The following SPATA17 variants were observed in gnomAD, a reference collection of about 807,000 sequenced individuals.
The protein encoded by SPATA17 is spermatogenesis-associated protein 17.
A neutral mutation model predicts 62.2 loss-of-function variants in SPATA17; 53 were observed. The observed-to-expected ratio is 0.85, with a 90% CI of 0.68 to 1.07. The LOEUF (loss-of-function observed/expected upper bound fraction) is 1.07. Among genes scored for constraint, SPATA17 ranks in the 50% least tolerant of loss-of-function variants. The probability of loss-of-function intolerance (pLI) is 0.00; values close to 1 mark genes in which losing one functional copy is unlikely to be tolerated. For missense variants in SPATA17, 466 were observed against 425.5 expected (o/e 1.10, Z -0.84); for synonymous variants, 146 against 146.8 (o/e 0.99, Z 0.04).
intron 6 of SPATA17, among the ~76,000 whole-genome samples, chr1:217,770,796 T>G (rs1015408016): frequency 6.6e-6 from 1 of 152,004 alleles, no homozygotes; most frequent in Non-Finnish European, 1.5e-5. Context: ...GATAGATTAT[T>G]AGAAATACGG....
At chr1:217,826,057 T>C (rs1674993558) in intron 9 of SPATA17, among the ~76,000 whole-genome samples, 1 of 152,166 alleles carries the variant, frequency 6.6e-6, no homozygotes, top group Non-Finnish European at 1.5e-5. Context: ...CTCAGGCTGC[T>C]GTAACAATAT....
At chr1:217,800,947 G>T (rs1475077283) in intron 8 of SPATA17, among the ~76,000 whole-genome samples, 1 of 152,058 alleles carries the variant, frequency 6.6e-6, no homozygotes, top group East Asian at 1.9e-4. Flanking sequence ...GAGTTTATAT[G>T]GGTTTTAAAA....
intron 5 of SPATA17, among the ~76,000 whole-genome samples, chr1:217,699,676 T>A (rs908061269): frequency 4.6e-5 from 7 of 152,204 alleles, no homozygotes; most frequent in African/African-American, 1.7e-4. Context: ...TCTCTTAGTA[T>A]GATCTTTTCA....
intron 4 of SPATA17, among the ~76,000 whole-genome samples, chr1:217,677,377 A>T (rs867812811): frequency 3.3e-5 from 5 of 152,078 alleles, no homozygotes; most frequent in Admixed American, 1.3e-4. Context: ...TCAATCCCTT[A>T]AAGTACTTAC....
Position 217,704,153 on chromosome 1 carries a change from T to C in SPATA17, c.395+20792T>C, listed in dbSNP as rs12735539. ...ATGTCACAGTGGTTGGGTGTACAGA[T>C]TTTTTCGCCACCCAGATGATAAGTA... On this transcript the variant is annotated intron_variant, in intron 5 of 10. Coordinates refer to ENST00000366933, the MANE Select transcript of SPATA17 (RefSeq NM_138796.4). 4.6e-3 allele frequency among the ~76,000 whole-genome samples: 703 copies of C among 151,550 alleles called. 1 individual carries two copies. The highest frequency in any genetic ancestry group is 8.1e-3 in the Non-Finnish European group (551 of 67,814).
chr1:217,698,125 G>GT (rs1671503555), intron 5 of SPATA17, among the ~76,000 whole-genome samples: 1 of 151,982 alleles, frequency 6.6e-6, no homozygotes, highest in East Asian at 1.9e-4. Flanking sequence ...GTGAAACCCT[G>GT]TCTCTAAATT....
chr1:217,738,818 G>A (rs1355110467), intron 5 of SPATA17, among the ~76,000 whole-genome samples: 1 of 152,196 alleles, frequency 6.6e-6, no homozygotes, highest in African/African-American at 2.4e-5. Flanking sequence ...TGGGCGTGGT[G>A]GCATGTGCCT....
At chr1:217,757,863 T>A (rs1376217807) in intron 6 of SPATA17, among the ~76,000 whole-genome samples, 1 of 152,168 alleles carries the variant, frequency 6.6e-6, no homozygotes, top group Non-Finnish European at 1.5e-5. Context: ...ATAAAATTAA[T>A]GTAGGATCAT....
intron 9 of SPATA17, among the ~76,000 whole-genome samples, chr1:217,803,540 G>A (rs1033933307): frequency 2.0e-5 from 3 of 152,064 alleles, no homozygotes; most frequent in Non-Finnish European, 1.5e-5. Context: ...TAAAAGATCT[G>A]TACATTGAAA....
At chr1:217,660,537 C>G (rs1319383671) in intron 3 of SPATA17, among the ~76,000 whole-genome samples, 2 of 152,202 alleles carry the variant, frequency 1.3e-5, no homozygotes, top group African/African-American at 2.4e-5. Context: ...GTCATCCCAT[C>G]TCCCCTTCTT....
intron 5 of SPATA17, among the ~76,000 whole-genome samples, chr1:217,688,444 C>T (rs1451047896): frequency 3.3e-5 from 5 of 152,238 alleles, no homozygotes; most frequent in Admixed American, 6.5e-5. Flanking sequence ...TTCTTCAAAA[C>T]AGTGTTAAGA....
intron 5 of SPATA17, among the ~76,000 whole-genome samples, chr1:217,709,555 C>G (rs769357621): frequency 2.0e-4 from 30 of 152,162 alleles, no homozygotes; most frequent in Non-Finnish European, 3.8e-4. Flanking sequence ...AAGATGGAAG[C>G]TACATTTGTC....
chr1:217,757,259 T>G (rs1673069311), intron 6 of SPATA17, among the ~76,000 whole-genome samples: 2 of 152,140 alleles, frequency 1.3e-5, no homozygotes, highest in African/African-American at 4.8e-5. Flanking sequence ...AAAAGACAGA[T>G]AGTTGGAGAT....
At chr1:217,697,565 T>C (rs537482411) in intron 5 of SPATA17, among the ~76,000 whole-genome samples, 21 of 152,296 alleles carry the variant, frequency 1.4e-4, no homozygotes, top group Non-Finnish European at 2.9e-4. Context: ...TGTGACCTAA[T>C]ATATGGTGAA....
intron 1 of SPATA17, among the ~76,000 whole-genome samples, chr1:217,633,229 TA>T (rs367925421): frequency 6.8e-6 from 1 of 148,084 alleles, no homozygotes. Flanking sequence ...AATAAATAAA[TA>T]AATAATAACA....
rs142368639 is a variant in SPATA17, at chr1:217,637,917, C to T, written c.68+6471C>T. On this transcript the variant is annotated intron_variant, in intron 1 of 10. Coordinates refer to ENST00000366933, the MANE Select transcript of SPATA17 (RefSeq NM_138796.4). Reference sequence around the variant, plus strand: ...CTTTTAAACTTATATTCTTACCTTACTTAAACTCTTTAGATATTAGTTTTC... The same window carrying T: ...CTTTTAAACTTATATTCTTACCTTATTTAAACTCTTTAGATATTAGTTTTC... Among the ~76,000 whole-genome samples the T allele has an allele frequency of 5.8e-3, 882 of 152,206 alleles. 10 individuals are homozygous for T. Among genetic ancestry groups the T allele is most frequent in the African/African-American group, 0.02 (840 of 41,540 alleles).
At chr1:217,690,451 TTTTTA>T (rs1157034306) in intron 5 of SPATA17, among the ~76,000 whole-genome samples, 26 of 142,420 alleles carry the variant, frequency 1.8e-4, no homozygotes, top group African/African-American at 4.7e-4. Flanking sequence ...TTTATTTTTA[TTTTTA>T]TTTTATTTTA....
At chr1:217,777,657 C>T (rs1673626617) in intron 7 of SPATA17, among the ~76,000 whole-genome samples, 1 of 152,168 alleles carries the variant, frequency 6.6e-6, no homozygotes, top group Admixed American at 6.5e-5. Context: ...CTGTCTCGGC[C>T]TCCTAAAGTG....
intron 5 of SPATA17, among the ~76,000 whole-genome samples, chr1:217,707,835 C>A (rs1239559671): frequency 1.3e-5 from 2 of 152,128 alleles, no homozygotes; most frequent in Admixed American, 6.6e-5. Context: ...ATCAAAAAAC[C>A]TGTAATCCTG....
Sources: allele counts gnomAD v4.1 joint callset (sites outside exome capture counted in the v4.1 genomes callset), GRCh38; gene constraint gnomAD v4.1.1; transcripts MANE v1.5; gene names NCBI Gene and HGNC (gene_info 2026-07-23, HGNC 2026-07-21).